Variants in TREM1 observed in about 807,000 individuals in gnomAD.
The protein encoded by TREM1 is triggering receptor expressed on myeloid cells 1, also known as triggering receptor expressed on monocytes 1.
Under a neutral mutation model 22.4 loss-of-function variants are expected in TREM1, and 16 were observed. The observed-to-expected ratio is 0.71, with a 90% CI of 0.48 to 1.08. TREM1 has a LOEUF of 1.08. Ranked by LOEUF, TREM1 falls within the 50% of genes least tolerant of loss-of-function variation. TREM1 has a pLI of 0.00. For synonymous variants in TREM1, 110 were observed against 111.6 expected (o/e 0.99, Z 0.09); for missense variants, 283 against 282.9 (o/e 1.00, Z 0.00).
chr6:41,267,863 C>A, downstream of TREM1: 1 of 398,062 alleles, frequency 2.5e-6, no homozygotes, highest in Non-Finnish European at 4.4e-6. Flanking sequence ...AAAAATAAGA[C>A]AAAAGCTAAA....
chr6:41,270,685 T>C (rs554579346), downstream of TREM1, among the ~76,000 whole-genome samples: 1 of 152,188 alleles, frequency 6.6e-6, no homozygotes, highest in South Asian at 2.1e-4. Flanking sequence ...GGCATGGCTT[T>C]TGCTTTCTGG....
At chr6:41,273,591 C>T (rs1019147280), downstream of TREM1, among the ~76,000 whole-genome samples, 5 of 152,226 alleles carry the variant, frequency 3.3e-5, no homozygotes, top group Non-Finnish European at 5.9e-5. Flanking sequence ...AGCAAGACAC[C>T]GCTGGCTCAT....
downstream of TREM1, among the ~76,000 whole-genome samples, chr6:41,269,653 A>G (rs1413330447): frequency 6.6e-6 from 1 of 152,228 alleles, no homozygotes; most frequent in African/African-American, 2.4e-5. Flanking sequence ...CTTGTCTTAC[A>G]GGTGAGAAAA....
intron 1 of TREM1, among the ~76,000 whole-genome samples, chr6:41,284,726 C>T (rs937796412): frequency 6.6e-6 from 1 of 152,142 alleles, no homozygotes; most frequent in African/African-American, 2.4e-5. Flanking sequence ...TCATGGAGCC[C>T]CCTGGCATGC....
chr6:41,279,203 A>G (rs546503033), intron 3 of TREM1, among the ~76,000 whole-genome samples: 1 of 152,260 alleles, frequency 6.6e-6, no homozygotes, highest in African/African-American at 2.4e-5. Context: ...CCACAAACCA[A>G]ATGCTTCATC....
intron 1 of TREM1, 129 bp from the exon 2 acceptor site, chr6:41,282,880 C>T: frequency 4.8e-6 from 4 of 828,222 alleles, no homozygotes; most frequent in East Asian, 2.4e-5. Context: ...CTTGAGGCCT[C>T]CAGAGAAAAT....
chr6:41,282,163 A>C (rs1767946821), intron 2 of TREM1: 1 of 483,602 alleles, frequency 2.1e-6, no homozygotes, highest in African/African-American at 1.9e-5. Context: ...TCTACCACTC[A>C]CCTTAATTGT....
At chr6:41,285,940 G>A (rs1768147241) in intron 1 of TREM1, among the ~76,000 whole-genome samples, 1 of 152,198 alleles carries the variant, frequency 6.6e-6, no homozygotes, top group Non-Finnish European at 1.5e-5. Context: ...CTTTCCTCCT[G>A]TTATTCATAA....
Position 41,282,558 on chromosome 6 carries a change from T to C in TREM1, c.243A>G (p.Gln81=). The change falls in exon 2 of 4, where the codon CAA becomes CAG. Residue 81 remains glutamine (Q), a synonymous_variant. Coordinates refer to ENST00000244709, the MANE Select transcript of TREM1 (RefSeq NM_018643.5). ...ERPSKNSHPV[Q]VGRIILEDYH... Reference sequence around the variant, plus strand: ...AGTCTTCTAGTATGATCCTCCCCACTTGGACTGGATGGGAATTCTTTGAAG... The same window carrying C: ...AGTCTTCTAGTATGATCCTCCCCACCTGGACTGGATGGGAATTCTTTGAAG... 1 of 1,614,162 alleles carries C rather than the reference T, an allele frequency of 6.2e-7. No homozygotes were observed. The highest frequency in any genetic ancestry group is 8.5e-7 in the Non-Finnish European group (1 of 1,180,030).
intron 3 of TREM1, among the ~76,000 whole-genome samples, chr6:41,268,484 C>G (rs1767394629): frequency 6.6e-6 from 1 of 152,164 alleles, no homozygotes; most frequent in Admixed American, 6.5e-5. Context: ...CCAGAAGGAC[C>G]AAGCCATCCA....
chr6:41,270,160 G>T (rs976520843), downstream of TREM1: 1 of 152,100 alleles, frequency 6.6e-6, no homozygotes, highest in Non-Finnish European at 1.5e-5. Context: ...GTAAGAACAG[G>T]CCATGGTCAG....
At chr6:41,279,447 G>A (rs532806371) in intron 3 of TREM1, 5 of 892,476 alleles carry the variant, frequency 5.6e-6, no homozygotes, top group East Asian at 2.4e-4. Context: ...CCCTCCTTCC[G>A]GTAAAAGTAA....
chr6:41,269,096 C>T (rs1397318943), downstream of TREM1, among the ~76,000 whole-genome samples: 2 of 152,156 alleles, frequency 1.3e-5, no homozygotes, highest in East Asian at 3.9e-4. Flanking sequence ...AGAGCAATGT[C>T]CTCTGCTAAT....
chr6:41,273,016 C>G (rs570620458), downstream of TREM1, among the ~76,000 whole-genome samples: 29 of 152,204 alleles, frequency 1.9e-4, no homozygotes, highest in Non-Finnish European at 1.5e-4. Context: ...ATTCCTCCCA[C>G]CCTTCTCCCG....
At chr6:41,270,958 A>G (rs1767465398), downstream of TREM1, among the ~76,000 whole-genome samples, 1 of 152,134 alleles carries the variant, frequency 6.6e-6, no homozygotes, top group African/African-American at 2.4e-5. Flanking sequence ...CTCTCACCTC[A>G]GCCTCCCAAA....
At chr6:41,269,197 C>T (rs1428517449), downstream of TREM1, among the ~76,000 whole-genome samples, 1 of 152,182 alleles carries the variant, frequency 6.6e-6, no homozygotes, top group African/African-American at 2.4e-5. Flanking sequence ...CCAGTTCCAC[C>T]TCCCCATGTA....
chr6:41,282,943 G>C (rs1043671877), intron 1 of TREM1, among the ~76,000 whole-genome samples, 192 bp from the exon 2 acceptor site: 4 of 91,408 alleles, frequency 4.4e-5, no homozygotes, highest in African/African-American at 2.4e-4. Context: ...ACTGTGAGTA[G>C]GTTTTTTACT....
chr6:41,269,221 G>A (rs2113967040), downstream of TREM1, among the ~76,000 whole-genome samples: 1 of 152,254 alleles, frequency 6.6e-6, no homozygotes, highest in South Asian at 2.1e-4. Context: ...AGGAAGGCTT[G>A]CTAACAAAGG....
In TREM1 at chr6:41,273,965, A is replaced by G. The variant is rs1026904120; in HGVS notation, c.*2160T>C. ...GCCTGCTGGTTTAGCCACATTGGTC[A>G]GGTTCCCAGGCAGGATGGGGAGGAT... On this transcript the variant is annotated 3_prime_UTR_variant, in exon 4 of 4. Coordinates refer to ENST00000244709, the MANE Select transcript of TREM1 (RefSeq NM_018643.5). Among the ~76,000 whole-genome samples the G allele has an allele frequency of 6.6e-6, 1 of 152,220 alleles. No individual in the cohort carries two copies. Among genetic ancestry groups the G allele is most frequent in the African/African-American group, 2.4e-5 (1 of 41,464 alleles).
Sources: gnomAD v4.1 joint callset for allele counts (sites outside exome capture counted in the v4.1 genomes callset) on GRCh38, gnomAD v4.1.1 for gene constraint, MANE v1.5 for transcripts, NCBI Gene and HGNC (gene_info 2026-07-23, HGNC 2026-07-21) for gene names.